Variants in TRMT11 observed in about 807,000 individuals in gnomAD.
The protein encoded by TRMT11 is tRNA (guanine(10)-N(2))-methyltransferase TRMT11.
TRMT11 carries 53 observed loss-of-function variants against 62.8 expected under a neutral mutation model. The ratio of observed to expected loss-of-function variants is 0.84; its 90% CI spans 0.68 to 1.06. The LOEUF is 1.06. Ranked by LOEUF, TRMT11 falls within the 50% of genes least tolerant of loss-of-function variation. The probability of loss-of-function intolerance (pLI) is 0.00; values close to 1 mark genes in which losing one functional copy is unlikely to be tolerated. For missense variants in TRMT11, 556 were observed against 553.4 expected (o/e 1.00, Z -0.05); for synonymous variants, 188 against 190.3 (o/e 0.99, Z 0.10).
At chr6:126,118,541 G>A (rs1489085015) in intron 21 of TRMT11, among the ~76,000 whole-genome samples, 5 of 152,130 alleles carry the variant, frequency 3.3e-5, no homozygotes, top group African/African-American at 9.7e-5. Flanking sequence ...AAAGTCTGAT[G>A]AAGTGATATT....
intron 11 of TRMT11, among the ~76,000 whole-genome samples, chr6:126,015,007 G>C (rs886745682): frequency 6.6e-6 from 1 of 151,740 alleles, no homozygotes; most frequent in African/African-American, 2.4e-5. Flanking sequence ...TTGTAAAAAG[G>C]GTTGCTGCCT....
At chr6:126,209,658 G>A in the TRMT11 span, among the ~76,000 whole-genome samples, 7 of 152,118 alleles carry the variant, frequency 4.6e-5, no homozygotes, top group African/African-American at 7.2e-5. Context: ...CTTGGGAGGC[G>A]GAGCTTGCAG....
the TRMT11 span, among the ~76,000 whole-genome samples, chr6:126,250,806 T>C: frequency 6.6e-6 from 1 of 152,162 alleles, no homozygotes; most frequent in Non-Finnish European, 1.5e-5. Context: ...ATCAGTGGGC[T>C]TTTTTTCATT....
intron 17 of TRMT11, among the ~76,000 whole-genome samples, chr6:126,109,150 C>A (rs1290941047): frequency 2.6e-5 from 4 of 152,004 alleles, no homozygotes; most frequent in Admixed American, 2.0e-4. Context: ...TTCTCATATA[C>A]CCACATTATA....
intron 19 of TRMT11, among the ~76,000 whole-genome samples, chr6:126,114,926 A>G (rs1195117017): frequency 2.0e-5 from 3 of 151,984 alleles, no homozygotes; most frequent in African/African-American, 7.3e-5. Flanking sequence ...GGTATAAGTC[A>G]CCCTGGGCAC....
At chr6:126,056,060 A>G (rs1345796560) in intron 17 of TRMT11, among the ~76,000 whole-genome samples, 2 of 152,216 alleles carry the variant, frequency 1.3e-5, no homozygotes, top group Non-Finnish European at 2.9e-5. Flanking sequence ...AACAATGGCA[A>G]AAGCAAAGAA....
chr6:126,104,433 A>C (rs141611419), intron 17 of TRMT11, among the ~76,000 whole-genome samples: 1 of 152,336 alleles, frequency 6.6e-6, no homozygotes. Flanking sequence ...TGAAGGATTC[A>C]GTCACTATCA....
At chr6:126,257,501 C>T in the TRMT11 span, among the ~76,000 whole-genome samples, 1 of 152,020 alleles carries the variant, frequency 6.6e-6, no homozygotes, top group Non-Finnish European at 1.5e-5. Flanking sequence ...TTGAAATCAA[C>T]ATAAATCTGG....
chr6:126,106,215 C>A (rs1562324126), intron 17 of TRMT11, among the ~76,000 whole-genome samples: 1 of 151,856 alleles, frequency 6.6e-6, no homozygotes, highest in Non-Finnish European at 1.5e-5. Flanking sequence ...ATGATCTCAG[C>A]TCACTGCAAC....
intron 8 of TRMT11, among the ~76,000 whole-genome samples, chr6:126,010,876 C>T (rs1271242876): frequency 6.6e-6 from 1 of 152,106 alleles, no homozygotes; most frequent in Admixed American, 6.6e-5. Context: ...CCCAAGTTCG[C>T]TCTCTTCATT....
chr6:126,121,501 A>G (rs1224645785), intron 21 of TRMT11, among the ~76,000 whole-genome samples: 2 of 152,150 alleles, frequency 1.3e-5, no homozygotes, highest in African/African-American at 4.8e-5. Flanking sequence ...CTTTCGTGTT[A>G]GAAAGAACTG....
At chr6:126,004,211 A>T (rs189218602) in intron 7 of TRMT11, among the ~76,000 whole-genome samples, 541 of 152,164 alleles carry the variant, frequency 3.6e-3, no homozygotes, top group Non-Finnish European at 6.4e-3. Context: ...TGTTGAGTAG[A>T]TGAGGCTAGA....
downstream of TRMT11, among the ~76,000 whole-genome samples, chr6:126,044,269 G>A (rs757956391): frequency 6.3e-4 from 96 of 152,136 alleles, no homozygotes; most frequent in Admixed American, 9.8e-4. Flanking sequence ...AGCTTTCTCC[G>A]TATGGCTAGC....
chr6:126,224,607 G>A, the TRMT11 span, among the ~76,000 whole-genome samples: 1 of 152,210 alleles, frequency 6.6e-6, no homozygotes, highest in South Asian at 2.1e-4. Flanking sequence ...GTGGCAGCAC[G>A]GCCCATGCTC....
intron 17 of TRMT11, among the ~76,000 whole-genome samples, chr6:126,099,031 C>A (rs1247174259): frequency 6.6e-6 from 1 of 152,208 alleles, no homozygotes; most frequent in Non-Finnish European, 1.5e-5. Flanking sequence ...AGGATTAAAT[C>A]TACCTAGGAG....
chr6:126,222,448 A>G, the TRMT11 span, among the ~76,000 whole-genome samples: 4 of 152,188 alleles, frequency 2.6e-5, no homozygotes, highest in Non-Finnish European at 5.9e-5. Flanking sequence ...ATCCATAAGT[A>G]TAGAATGTTT....
chr6:126,227,070 G>A, the TRMT11 span, among the ~76,000 whole-genome samples: 1 of 152,154 alleles, frequency 6.6e-6, no homozygotes, highest in Non-Finnish European at 1.5e-5. Context: ...TCTGTTAAAC[G>A]TCTTTCTTTT....
intron 12 of TRMT11, among the ~76,000 whole-genome samples, chr6:126,035,980 A>T (rs1383076571): frequency 6.6e-6 from 1 of 152,096 alleles, no homozygotes; most frequent in African/African-American, 2.4e-5. Flanking sequence ...ACCACAGCTT[A>T]GGTCAGCTAG....
At chr6:126,116,553 A>G (rs1777589563) in intron 21 of TRMT11, among the ~76,000 whole-genome samples, 1 of 152,076 alleles carries the variant, frequency 6.6e-6, no homozygotes, top group Admixed American at 6.6e-5. Context: ...GCAAATAGTT[A>G]ATTCACTACT....
Sources: gnomAD v4.1 joint callset for allele counts (sites outside exome capture counted in the v4.1 genomes callset) on GRCh38, gnomAD v4.1.1 for gene constraint, MANE v1.5 for transcripts, NCBI Gene and HGNC (gene_info 2026-07-23, HGNC 2026-07-21) for gene names.